ST7: variants seen among roughly 807,000 people sequenced by gnomAD.
ST7 encodes suppression of tumorigenicity 7.
A neutral mutation model predicts 78.7 loss-of-function variants in ST7; 28 were observed. The ratio of observed to expected loss-of-function variants is 0.36; its 90% CI spans 0.26 to 0.49. The LOEUF is 0.49. Ranked by LOEUF, ST7 falls within the 20% of genes least tolerant of loss-of-function variation. The pLI is 0.99. For synonymous variants in ST7, 247 were observed against 249.6 expected, an observed-to-expected ratio of 0.99 and a Z score of 0.10; for missense variants, 418 against 696.0, an observed-to-expected ratio of 0.60 and a Z score of 4.49.
intron 10 of ST7, among the ~76,000 whole-genome samples, chr7:117,176,712 G>C (rs538298284): frequency 6.6e-6 from 1 of 152,272 alleles, no homozygotes; most frequent in East Asian, 1.9e-4. Flanking sequence ...GAGATGTCTG[G>C]AGGTCCAATG....
chr7:116,960,312 C>T (rs1792758896), intron 1 of ST7, among the ~76,000 whole-genome samples: 1 of 152,066 alleles, frequency 6.6e-6, no homozygotes, highest in Non-Finnish European at 1.5e-5. Flanking sequence ...GCCTCACCCT[C>T]CCAAGTAGCT....
chr7:117,221,839 C>T (rs892353064), intron 14 of ST7, 84 bp from the exon 15 acceptor site: 1 of 1,424,900 alleles, frequency 7.0e-7, no homozygotes, highest in Non-Finnish European at 9.3e-7. Flanking sequence ...TTCCCAAGCT[C>T]TGGAGTCAGT....
intron 1 of ST7, chr7:116,955,139 C>A (rs1438806784): frequency 2.1e-6 from 1 of 470,980 alleles, no homozygotes; most frequent in Admixed American, 2.4e-5. Context: ...ATATTGTCTT[C>A]TTCGCTTTAG....
intron 10 of ST7, among the ~76,000 whole-genome samples, chr7:117,174,357 A>G (rs1808211432): frequency 6.6e-6 from 1 of 152,234 alleles, no homozygotes; most frequent in Non-Finnish European, 1.5e-5. Context: ...AGTATCATAC[A>G]TGATTCAAAC....
intron 1 of ST7, among the ~76,000 whole-genome samples, chr7:117,035,471 T>G (rs145326479): frequency 6.6e-6 from 1 of 152,352 alleles, no homozygotes; most frequent in African/African-American, 2.4e-5. Flanking sequence ...AAGCAAATAA[T>G]TCATCTGCAA....
intron 1 of ST7, among the ~76,000 whole-genome samples, chr7:116,963,695 C>T (rs1792954098): frequency 6.8e-6 from 1 of 147,850 alleles, no homozygotes; most frequent in African/African-American, 2.5e-5. Flanking sequence ...TTCAGTGGTG[C>T]CATCTCGGCT....
chr7:116,979,958 C>CT (rs745530832), intron 1 of ST7, among the ~76,000 whole-genome samples: 8,277 of 85,962 alleles, frequency 0.096, 865 homozygotes, highest in East Asian at 0.18. Context: ...TTTTGTTTCT[C>CT]TTTTTTTTTT....
intron 1 of ST7, among the ~76,000 whole-genome samples, chr7:116,975,923 C>T (rs573315495): frequency 4.5e-4 from 69 of 152,158 alleles, no homozygotes; most frequent in African/African-American, 1.6e-3. Context: ...GATTCCTTTA[C>T]AGAATGGTTG....
chr7:116,955,243 G>A, intron 1 of ST7: 2 of 392,020 alleles, frequency 5.1e-6, no homozygotes, highest in Admixed American at 3.5e-5. Flanking sequence ...CGTATTTGTT[G>A]GTAACAGTGT....
At chr7:117,175,105 A>G (rs1808255681) in intron 10 of ST7, among the ~76,000 whole-genome samples, 1 of 152,212 alleles carries the variant, frequency 6.6e-6, no homozygotes, top group African/African-American at 2.4e-5. Flanking sequence ...CTGTCTTCCA[A>G]ACATGGCTTT....
chr7:117,204,897 G>A (rs1791596479), intron 12 of ST7, among the ~76,000 whole-genome samples: 1 of 152,048 alleles, frequency 6.6e-6, no homozygotes, highest in African/African-American at 2.4e-5. Flanking sequence ...TAGAGAGAGA[G>A]AAAAATAAAA....
intron 1 of ST7, among the ~76,000 whole-genome samples, chr7:117,081,723 C>G (rs1799793132): frequency 6.6e-6 from 1 of 152,140 alleles, no homozygotes; most frequent in Admixed American, 6.6e-5. Flanking sequence ...TCATTTCTAG[C>G]TAGCTATTTT....
At position 117,209,811 on chromosome 7, in the gene ST7, A is replaced by C. The variant is rs1452996629; in HGVS notation, c.1279A>C (p.Ile427Leu). ...GTACCTACTAGAAATGAAAAGCTTA[A>C]TCCTACCCCCAGAACATATCCTGAA... ...PKYLLEMKSL[I>L]LPPEHILKRG... Residue 427 changes from isoleucine to leucine, a missense_variant, in exon 13 of 16, where the codon ATC becomes CTC. Coordinates refer to ENST00000323984, the MANE Select transcript of ST7 (RefSeq NM_001369598.1). 6.2e-7 allele frequency: 1 copy of C among 1,613,906 alleles called. No homozygotes were observed. The highest frequency in any genetic ancestry group is 8.5e-7 in the Non-Finnish European group (1 of 1,179,964).
intron 2 of ST7, among the ~76,000 whole-genome samples, chr7:117,100,540 G>A (rs745395788): frequency 6.6e-6 from 1 of 151,942 alleles, no homozygotes; most frequent in Non-Finnish European, 1.5e-5. Flanking sequence ...TAGAAATATA[G>A]CTTAGTTTTT....
intron 1 of ST7, among the ~76,000 whole-genome samples, chr7:117,074,506 A>AC (rs879783895): frequency 4.1e-5 from 6 of 147,778 alleles, no homozygotes; most frequent in Admixed American, 1.4e-4. Context: ...GTTTATGGCG[A>AC]CCCCCCTCAC....
At chr7:117,215,687 A>G (rs2116108982) in intron 13 of ST7, among the ~76,000 whole-genome samples, 1 of 152,302 alleles carries the variant, frequency 6.6e-6, no homozygotes, top group Non-Finnish European at 1.5e-5. Flanking sequence ...CATTATGTAC[A>G]CACAGCACCA....
chr7:117,003,029 G>T (rs937223192), intron 1 of ST7, among the ~76,000 whole-genome samples: 1 of 151,626 alleles, frequency 6.6e-6, no homozygotes, highest in Non-Finnish European at 1.5e-5. Flanking sequence ...TCACCATGTT[G>T]GCCAGGCTGG....
intron 9 of ST7, among the ~76,000 whole-genome samples, chr7:117,151,899 C>A (rs778465095): frequency 4.2e-4 from 64 of 151,934 alleles, no homozygotes; most frequent in Non-Finnish European, 9.3e-4. Flanking sequence ...GCAGGTGGAT[C>A]ACTTGAGGTC....
At chr7:117,030,780 A>G (rs1052528408) in intron 1 of ST7, among the ~76,000 whole-genome samples, 3 of 152,104 alleles carry the variant, frequency 2.0e-5, no homozygotes, top group Admixed American at 6.6e-5. Context: ...CAGTGTGGCA[A>G]CTCCTCGAAG....
Sources: gnomAD v4.1 joint callset for allele counts (sites outside exome capture counted in the v4.1 genomes callset) on GRCh38, gnomAD v4.1.1 for gene constraint, MANE v1.5 for transcripts, NCBI Gene and HGNC (gene_info 2026-07-23, HGNC 2026-07-21) for gene names.